Variants in TMEM39B observed in about 807,000 individuals in gnomAD.
TMEM39B encodes transmembrane protein 39B.
TMEM39B carries 23 observed loss-of-function variants against 52.2 expected under a neutral mutation model. The ratio of observed to expected loss-of-function variants is 0.44; its 90% confidence interval spans 0.32 to 0.62. TMEM39B has a LOEUF of 0.62. Ranked by LOEUF, TMEM39B falls within the 20% of genes least tolerant of loss-of-function variation. The pLI, the probability that TMEM39B is intolerant of heterozygous loss-of-function variation, is 0.06. For missense variants in TMEM39B, 547 were observed against 642.0 expected (o/e 0.85, Z 1.60); for synonymous variants, 285 against 264.0 (o/e 1.08, Z -0.77).
intron 5 of TMEM39B, among the ~76,000 whole-genome samples, chr1:32,091,295 G>A (rs1309223608): frequency 6.6e-6 from 1 of 152,060 alleles, no homozygotes; most frequent in Non-Finnish European, 1.5e-5. Flanking sequence ...CTAATGAATA[G>A]TGTTGTTATG....
At chr1:32,073,213 T>C in intron 1 of TMEM39B, 162 bp downstream of exon 1, 1 of 673,966 alleles carries the variant, frequency 1.5e-6, no homozygotes, top group Non-Finnish European at 2.0e-6. Flanking sequence ...TTTTGCGGGG[T>C]GGGGCCTCTG....
At chr1:32,100,615 C>T (rs1640986157) in intron 8 of TMEM39B, 53 bp downstream of exon 8, 1 of 1,611,898 alleles carries the variant, frequency 6.2e-7, no homozygotes, top group Non-Finnish European at 8.5e-7. Context: ...GTGGGAGGAT[C>T]TGCAGGGCAG....
chr1:32,098,909 G>C (rs1406347455), intron 7 of TMEM39B, among the ~76,000 whole-genome samples: 1 of 152,190 alleles, frequency 6.6e-6, no homozygotes, highest in Non-Finnish European at 1.5e-5. Context: ...TAGATGACCA[G>C]CATTGGGGAA....
intron 2 of TMEM39B, 130 bp from the exon 3 acceptor site, chr1:32,075,473 C>A: frequency 1.1e-6 from 1 of 925,452 alleles, no homozygotes; most frequent in Non-Finnish European, 1.6e-6. Flanking sequence ...GTCTGACAAG[C>A]AGGATTAGGA....
chr1:32,090,777 C>T (rs1284330189), intron 5 of TMEM39B, among the ~76,000 whole-genome samples: 1 of 152,082 alleles, frequency 6.6e-6, no homozygotes, highest in Non-Finnish European at 1.5e-5. Context: ...GTAGCTGGGA[C>T]TACAGGCGCC....
intron 5 of TMEM39B, among the ~76,000 whole-genome samples, chr1:32,085,917 G>A (rs2124461089): frequency 6.6e-6 from 1 of 152,084 alleles, no homozygotes; most frequent in African/African-American, 2.4e-5. Context: ...CTTTCTCTCT[G>A]TCATTGTTTA....
rs374449944 is a variant in TMEM39B at position 32,077,182 on chromosome 1, G to A, written c.454G>A (p.Val152Ile). Residue 152 changes from valine (V) to isoleucine (I), a missense_variant, in exon 5 of 9, where the codon GTC becomes ATC. Coordinates refer to ENST00000336294, the MANE Select transcript of TMEM39B (RefSeq NM_018056.4). ...GACCCAGGCCTCTCAGAGGGGGAAGGTCTCCCTCTTTCGCTCCATCCTGCT... is the reference window on the plus strand; with the variant it reads ...GACCCAGGCCTCTCAGAGGGGGAAGATCTCCCTCTTTCGCTCCATCCTGCT... ...IVKEASQRGK[V>I]SLFRSILLFL... is the part of the protein sequence containing the mutation. 2 of 1,614,002 alleles carry A rather than the reference G, an allele frequency of 1.2e-6. No individual in the cohort carries two copies. Among genetic ancestry groups the A allele is most frequent in the Non-Finnish European group, 1.7e-6 (2 of 1,180,042 alleles).
At chr1:32,092,134 G>A (rs1285061181) in intron 6 of TMEM39B, 123 bp downstream of exon 6, 5 of 844,260 alleles carry the variant, frequency 5.9e-6, no homozygotes, top group East Asian at 2.7e-5. Context: ...ATCTCTGGAG[G>A]ACTGGAGTGA....
At chr1:32,101,197 G>A (rs557531729) in intron 8 of TMEM39B, among the ~76,000 whole-genome samples, 1 of 151,876 alleles carries the variant, frequency 6.6e-6, no homozygotes, top group Admixed American at 6.5e-5. Flanking sequence ...CACTCTCCAT[G>A]TACCTTCCTA....
In TMEM39B at chr1:32,091,731, T is replaced by A; in HGVS notation, c.647T>A (p.Leu216His). 1.2e-6 allele frequency: 2 copies of A among 1,614,120 alleles called. No homozygotes were observed. Among genetic ancestry groups the A allele is most frequent in the Non-Finnish European group, 1.7e-6 (2 of 1,179,982 alleles). ...AATTGCGACCTCCGCAAGACAAGCC[T>A]CTTCAACCACATGGCCTCCATGGGG... ...QLNCDLRKTS[L>H]FNHMASMGPR... Residue 216 changes from leucine to histidine, a missense_variant, in exon 6 of 9, where the codon CTC becomes CAC. Transcript: ENST00000336294.
At chr1:32,077,101 T>A in intron 4 of TMEM39B, 63 bp from the exon 5 acceptor site, 1 of 1,594,474 alleles carries the variant, frequency 6.3e-7, no homozygotes, top group Non-Finnish European at 8.6e-7. Context: ...TGGGTGGGAT[T>A]TGGGCACAGC....
At chr1:32,092,103 C>T (rs1640633125) in intron 6 of TMEM39B, 92 bp downstream of exon 6, 1 of 1,212,954 alleles carries the variant, frequency 8.2e-7, no homozygotes, top group East Asian at 2.5e-5. Flanking sequence ...CCTAACTATG[C>T]TGTTTTTGAT....
chr1:32,083,009 C>T (rs527543425), intron 5 of TMEM39B, among the ~76,000 whole-genome samples: 27 of 147,744 alleles, frequency 1.8e-4, no homozygotes, highest in African/African-American at 4.5e-4. Flanking sequence ...CTCCTGACCT[C>T]GTGATCCACC....
intron 1 of TMEM39B, 185 bp downstream of exon 1, chr1:32,073,236 G>C: frequency 2.6e-5 from 13 of 509,486 alleles, no homozygotes; most frequent in East Asian, 6.0e-5. Flanking sequence ...GTGGGGGCGG[G>C]ACATTGGACG....
In TMEM39B at chr1:32,102,749, GGT is replaced by G; in HGVS notation, c.*78_*79del. On this transcript the variant is annotated 3_prime_UTR_variant, in exon 9 of 9. Coordinates refer to ENST00000336294, the MANE Select transcript of TMEM39B (RefSeq NM_018056.4). ...TGGCAAGGGGCTGTTGGGTAGAAGT[GGT>G]GGTGGGGGGGACAAAAGACAAAAAA... 1 of 1,382,902 alleles carries G rather than the reference GGT, an allele frequency of 7.2e-7. No individual in the cohort carries two copies. The highest frequency in any genetic ancestry group is 9.4e-7 in the Non-Finnish European group (1 of 1,060,404). 85.7% of individuals were successfully genotyped at this position (1,382,902 alleles called of 1,614,324 possible). A position where few individuals can be genotyped will look rare whatever the true frequency, so the allele number is the denominator to read the frequency against.
intron 5 of TMEM39B, among the ~76,000 whole-genome samples, chr1:32,078,684 G>A (rs558971546): frequency 3.4e-4 from 51 of 151,806 alleles, no homozygotes; most frequent in African/African-American, 1.2e-3. Flanking sequence ...GATGTCACCC[G>A]GGCTGGAGTG....
chr1:32,102,604 C>G lies in TMEM39B; in HGVS notation c.1410C>G (p.Arg470=). ...CCTTCTTCAAGCTGCTCCGGGACCG[C>G]TTGGTATTGGGCAAGGCCTACTCAT... The part of the protein sequence containing the change: ...YYAFFKLLRD[R]LVLGKAYSYS... The change falls in exon 9 of 9, where the codon CGC becomes CGG. Residue 470 remains arginine (R), a synonymous_variant. Coordinates refer to ENST00000336294, the MANE Select transcript of TMEM39B (RefSeq NM_018056.4). 6.2e-7 allele frequency: 1 copy of G among 1,613,770 alleles called. No individual in the cohort carries two copies. Among genetic ancestry groups the G allele is most frequent in the Non-Finnish European group, 8.5e-7 (1 of 1,179,814 alleles).
chr1:32,100,315 G>A, intron 7 of TMEM39B, 127 bp from the exon 8 acceptor site: 2 of 1,099,276 alleles, frequency 1.8e-6, no homozygotes, highest in Non-Finnish European at 2.5e-6. Flanking sequence ...ACCCAGAAAA[G>A]GAAAGTCAGC....
chr1:32,093,288 G>T (rs1313637378), intron 6 of TMEM39B, among the ~76,000 whole-genome samples: 1 of 151,670 alleles, frequency 6.6e-6, no homozygotes, highest in Non-Finnish European at 1.5e-5. Context: ...TAGTAGAGAC[G>T]GGGTTTCATC....
Sources: allele counts gnomAD v4.1 joint callset (sites outside exome capture counted in the v4.1 genomes callset), GRCh38; gene constraint gnomAD v4.1.1; transcripts MANE v1.5; gene names NCBI Gene and HGNC (gene_info 2026-07-23, HGNC 2026-07-21).